The following CISD1 variants were observed in gnomAD, a reference collection of about 807,000 sequenced individuals.
The protein encoded by CISD1 is CDGSH iron-sulfur domain-containing protein 1.
Under a neutral mutation model 12.0 loss-of-function variants are expected in CISD1, and 8 were observed. That is an observed-to-expected ratio of 0.67 (90% CI 0.39 to 1.20). CISD1 has a LOEUF of 1.20. Among genes scored for constraint, CISD1 ranks in the 50% most tolerant of loss-of-function variants. The pLI, the probability that CISD1 is intolerant of heterozygous loss-of-function variation, is 0.01. For synonymous variants in CISD1, 38 were observed against 42.2 expected, an observed-to-expected ratio of 0.90 and a Z score of 0.39; for missense variants, 107 against 132.7, an observed-to-expected ratio of 0.81 and a Z score of 0.95.
In CISD1 at chr10:58,287,596, C is replaced by G; in HGVS notation, c.273C>G (p.Asn91Lys). The G allele has an allele frequency of 4.3e-6, 7 of 1,609,966 alleles. No individual in the cohort carries two copies. Among genetic ancestry groups the G allele is most frequent in the Non-Finnish European group, 5.9e-6 (7 of 1,177,526 alleles). ...PFCDGAHTKH[N>K]EETGDNVGPL... ...GTGATGGGGCTCACACAAAACATAA[C>G]GAAGAGACTGGAGACAATGTGGGCC... The change falls in exon 3 of 3, where the codon AAC becomes AAG. Residue 91 changes from asparagine to lysine, a missense_variant. Coordinates refer to ENST00000333926, the MANE Select transcript of CISD1 (RefSeq NM_018464.5).
Position 58,287,579 on chromosome 10 carries a change from G to T in CISD1, c.256G>T (p.Ala86Ser). 6.2e-7 allele frequency: 1 copy of T among 1,608,308 alleles called. No homozygotes were observed. Among genetic ancestry groups the T allele is most frequent in the Non-Finnish European group, 8.5e-7 (1 of 1,176,342 alleles). The change falls in exon 3 of 3, where the codon GCT (alanine) becomes TCT (serine). Residue 86 changes from alanine to serine, a missense_variant. Transcript: ENST00000333926. Reference sequence around the variant, plus strand: ...TTCCTAGTTCCCATTCTGTGATGGGGCTCACACAAAACATAACGAAGAGAC... The same window carrying T: ...TTCCTAGTTCCCATTCTGTGATGGGTCTCACACAAAACATAACGAAGAGAC... Reference protein sequence around the residue: ...RSKKFPFCDGAHTKHNEETGD... With the variant: ...RSKKFPFCDGSHTKHNEETGD...
chr10:58,273,806 A>C lies in CISD1; in HGVS notation c.32-3311A>C, dbSNP rs184622579. 6.2e-3 allele frequency among the ~76,000 whole-genome samples: 938 copies of C among 152,352 alleles called. 6 individuals carry two copies. The highest frequency in any genetic ancestry group is 0.01 in the Non-Finnish European group (687 of 68,030). The stretch of plus-strand genomic sequence containing the variant: ...GTAGGGTGAGGTTTGACCTAACTAC[A>C]GGAATTAACTGTCCTTGAGAAATGT... On this transcript the variant is annotated intron_variant, in intron 1 of 2. Transcript: ENST00000333926.
intron 1 of CISD1, among the ~76,000 whole-genome samples, chr10:58,274,125 T>TC (rs1013133647): frequency 4.6e-5 from 7 of 151,340 alleles, no homozygotes; most frequent in African/African-American, 1.7e-4. Context: ...AGAGCAAGAC[T>TC]CCATCTCAAA....
intron 1 of CISD1, among the ~76,000 whole-genome samples, chr10:58,274,125 T>G (rs1477455931): frequency 6.6e-6 from 1 of 151,340 alleles, no homozygotes; most frequent in Non-Finnish European, 1.5e-5. Context: ...AGAGCAAGAC[T>G]CCATCTCAAA....
intron 2 of CISD1, among the ~76,000 whole-genome samples, chr10:58,281,618 A>G (rs1839374969): frequency 1.3e-5 from 2 of 152,246 alleles, no homozygotes; most frequent in South Asian, 2.1e-4. Context: ...GTTCACAAAG[A>G]CTAATTAATA....
Position 58,269,169 on chromosome 10 carries a change from C to T in CISD1, c.-105C>T, listed in dbSNP as rs1335331490. On this transcript the variant is annotated 5_prime_UTR_variant, in exon 1 of 3. Transcript: ENST00000333926. The stretch of plus-strand genomic sequence containing the variant: ...CCGCGGCGCCTGCGCGGTAGCATCG[C>T]GGAGTCGGTGCTTTAGTACGCCGCT... 1.4e-5 allele frequency: 17 copies of T among 1,224,906 alleles called. No individual in the cohort carries two copies. The East Asian group carries it at 3.5e-4, about 25-fold the overall frequency. The allele number at this position is 1,224,906 out of a possible 1,614,324, so 75.9% of individuals were successfully genotyped here.
At chr10:58,272,330 A>C (rs143597111) in intron 1 of CISD1, among the ~76,000 whole-genome samples, 1 of 151,774 alleles carries the variant, frequency 6.6e-6, no homozygotes, top group Non-Finnish European at 1.5e-5. Context: ...TCAAGTTGCA[A>C]CATAGGGATT....
At chr10:58,269,613 C>T (rs1027884013) in intron 1 of CISD1, among the ~76,000 whole-genome samples, 3 of 152,200 alleles carry the variant, frequency 2.0e-5, no homozygotes, top group Non-Finnish European at 2.9e-5. Flanking sequence ...CTTTCATGTC[C>T]TTAAGTCACA....
rs994022573 is a variant in CISD1 at position 58,287,718 on chromosome 10, C to T, written c.*68C>T. ...CCTGATTGTTTAATTAGAATGACTA[C>T]CACCTCTGTCTGATTCACCTTCGCT... On this transcript the variant is annotated 3_prime_UTR_variant, in exon 3 of 3. Coordinates refer to ENST00000333926, the MANE Select transcript of CISD1 (RefSeq NM_018464.5). The T allele has an allele frequency of 2.0e-6, 2 of 977,134 alleles. No individual in the cohort carries two copies. The highest frequency in any genetic ancestry group is 1.5e-5 in the South Asian group (1 of 64,772). 60.5% of individuals were successfully genotyped at this position (977,134 alleles called of 1,614,324 possible).
At chr10:58,273,469 C>G (rs1839271983) in intron 1 of CISD1, 2 of 149,906 alleles carry the variant, frequency 1.3e-5, no homozygotes, top group South Asian at 4.2e-4. Flanking sequence ...CAGTTTAGAG[C>G]AGAAAAGGGG....
intron 2 of CISD1, 48 bp from the exon 3 acceptor site, chr10:58,287,513 T>C (rs756780820): frequency 7.3e-7 from 1 of 1,376,418 alleles, no homozygotes; most frequent in Admixed American, 1.9e-5. Flanking sequence ...CCGAGCATAA[T>C]ACTGATTTTG....
At chr10:58,277,575 G>T (rs1311691352) in intron 2 of CISD1, among the ~76,000 whole-genome samples, 1 of 149,488 alleles carries the variant, frequency 6.7e-6, no homozygotes, top group Non-Finnish European at 1.5e-5. Flanking sequence ...GAGCCACCAC[G>T]TGTGACCTGT....
chr10:58,271,103 G>A (rs899294630), intron 1 of CISD1, among the ~76,000 whole-genome samples: 2 of 147,508 alleles, frequency 1.4e-5, no homozygotes, highest in African/African-American at 2.6e-5. Flanking sequence ...GCAGTGGCGG[G>A]ATCTCGGCTC....
intron 1 of CISD1, 56 bp from the exon 2 acceptor site, chr10:58,277,061 T>C: frequency 8.1e-7 from 1 of 1,235,814 alleles, no homozygotes; most frequent in Non-Finnish European, 1.1e-6. Context: ...ATGCATGTGA[T>C]ATTATTGGTG....
chr10:58,283,018 G>A (rs1839389891), intron 2 of CISD1: 2 of 152,274 alleles, frequency 1.3e-5, no homozygotes, highest in East Asian at 1.9e-4. Context: ...AACATCAGGA[G>A]CTGAACTGAA....
At chr10:58,284,156 G>C (rs2132284346) in intron 2 of CISD1, among the ~76,000 whole-genome samples, 1 of 152,076 alleles carries the variant, frequency 6.6e-6, no homozygotes, top group Non-Finnish European at 1.5e-5. Context: ...CCAATGTAGT[G>C]AAACCTTGTC....
At chr10:58,283,074 A>G (rs1395134024) in intron 2 of CISD1, 2 of 145,394 alleles carry the variant, frequency 1.4e-5, no homozygotes, top group Non-Finnish European at 3.0e-5. Flanking sequence ...ATTTTCTTTC[A>G]TTTACAGGGT....
At chr10:58,274,323 A>T (rs2790178) in intron 1 of CISD1, among the ~76,000 whole-genome samples, 1 of 151,038 alleles carries the variant, frequency 6.6e-6, no homozygotes, top group African/African-American at 2.4e-5. Flanking sequence ...ACCTGTCATC[A>T]TTTTTGTCTA....
At chr10:58,277,500 A>G (rs958453411) in intron 2 of CISD1, among the ~76,000 whole-genome samples, 178 bp downstream of exon 2, 3 of 151,682 alleles carry the variant, frequency 2.0e-5, no homozygotes, top group East Asian at 3.9e-4. Context: ...GCTCACTGCA[A>G]CCTCCACCTC....
Sources: allele counts gnomAD v4.1 joint callset (sites outside exome capture counted in the v4.1 genomes callset), GRCh38; gene constraint gnomAD v4.1.1; transcripts MANE v1.5; gene names NCBI Gene and HGNC (gene_info 2026-07-23, HGNC 2026-07-21).